TRPC5: variants seen among roughly 807,000 people sequenced by gnomAD.
The protein encoded by TRPC5 is short transient receptor potential channel 5.
In TRPC5, 9 loss-of-function variants were observed where a neutral mutation model predicts 56.5. The ratio of observed to expected loss-of-function variants is 0.16; its 90% CI spans 0.10 to 0.28. The LOEUF is 0.28. TRPC5 is among the 10% of genes least tolerant of loss of function. TRPC5 has a pLI of 1.00. For missense variants in TRPC5, 469 were observed against 748.9 expected (o/e 0.63, Z 4.36); for synonymous variants, 282 against 278.5 (o/e 1.01, Z -0.13).
chrX:111,803,153 A>G (rs1921376051), intron 7 of TRPC5, among the ~76,000 whole-genome samples: 2 of 111,659 alleles, frequency 1.8e-5, no homozygotes, highest in African/African-American at 6.5e-5. Flanking sequence ...GCTGAGAATG[A>G]TGGTTTCCAG....
intron 7 of TRPC5, among the ~76,000 whole-genome samples, chrX:111,795,235 C>T (rs1921042602): frequency 1.8e-5 from 2 of 110,295 alleles, no homozygotes; most frequent in African/African-American, 3.3e-5. Flanking sequence ...GACAAAAAAC[C>T]TTCAATCTTT....
At chrX:111,954,964 C>T (rs926649329) in intron 1 of TRPC5, among the ~76,000 whole-genome samples, 1 of 111,982 alleles carries the variant, frequency 8.9e-6, no homozygotes, top group Non-Finnish European at 1.9e-5. Context: ...TGGAGTGGCA[C>T]TATTACTACC....
chrX:111,947,074 C>A (rs937857715), intron 2 of TRPC5, among the ~76,000 whole-genome samples: 26 of 111,685 alleles, frequency 2.3e-4, no homozygotes, highest in Non-Finnish European at 4.0e-4. Flanking sequence ...CATATTCACA[C>A]CTCTCTGCTT....
intron 1 of TRPC5, among the ~76,000 whole-genome samples, chrX:111,990,010 A>T (rs962162168): frequency 8.9e-6 from 1 of 112,534 alleles, no homozygotes; most frequent in African/African-American, 3.2e-5. Context: ...GTAGTGTTCT[A>T]TTCCGAATTA....
chrX:111,842,612 A>C (rs759453284), intron 6 of TRPC5, among the ~76,000 whole-genome samples: 2 of 112,453 alleles, frequency 1.8e-5, no homozygotes, highest in Non-Finnish European at 3.7e-5. Flanking sequence ...CATGCTTCTT[A>C]GATCTTCAGA....
intron 1 of TRPC5, among the ~76,000 whole-genome samples, chrX:111,967,656 A>C (rs890561447): frequency 1.8e-5 from 2 of 111,649 alleles, no homozygotes; most frequent in African/African-American, 6.5e-5. Context: ...CAGAGCCCTC[A>C]GAAATAATGC....
At chrX:111,921,439 G>A (rs1255663262) in intron 2 of TRPC5, among the ~76,000 whole-genome samples, 2 of 106,413 alleles carry the variant, frequency 1.9e-5, no homozygotes, top group East Asian at 2.8e-4. Flanking sequence ...TGAAGATTAC[G>A]ATTTAACATT....
intron 1 of TRPC5, among the ~76,000 whole-genome samples, chrX:112,026,495 TA>T (rs1317326443): frequency 1.8e-5 from 2 of 111,969 alleles, no homozygotes; most frequent in Non-Finnish European, 3.8e-5. Flanking sequence ...AAGTAAAAGT[TA>T]AATAAAACAA....
At chrX:111,930,712 G>A (rs1926386820) in intron 2 of TRPC5, 1 of 112,012 alleles carries the variant, frequency 8.9e-6, no homozygotes, top group Non-Finnish European at 1.9e-5. Flanking sequence ...AGTGGCAGTG[G>A]TAGCTGCAAT....
At chrX:111,877,807 G>T (rs371758305) in intron 3 of TRPC5, among the ~76,000 whole-genome samples, 2 of 111,424 alleles carry the variant, frequency 1.8e-5, no homozygotes, top group Admixed American at 9.6e-5. Context: ...ACCTATGTAG[G>T]TTGGCTGTAA....
intron 1 of TRPC5, among the ~76,000 whole-genome samples, chrX:112,048,114 C>A (rs1930104878): frequency 9.0e-6 from 1 of 111,646 alleles, no homozygotes; most frequent in African/African-American, 3.3e-5. Flanking sequence ...AAATGCTCAG[C>A]AATAGGTGTT....
At chrX:111,888,715 AAAAAGAAAGAAAAGAAAAG>A (rs1391166390) in intron 3 of TRPC5, among the ~76,000 whole-genome samples, 6 of 104,612 alleles carry the variant, frequency 5.7e-5, no homozygotes, top group African/African-American at 2.1e-4. Context: ...AAAAAAAAAA[AAAAAGAAAGAAAAGAAAAG>A]AAAAGAGACT....
At chrX:111,788,988 C>T (rs1314273122) in intron 7 of TRPC5, among the ~76,000 whole-genome samples, 1 of 111,723 alleles carries the variant, frequency 9.0e-6, no homozygotes, top group African/African-American at 3.3e-5. Flanking sequence ...GGCCATACTG[C>T]CCAAAGTAAT....
At chrX:111,937,078 A>G (rs1052185171) in intron 2 of TRPC5, among the ~76,000 whole-genome samples, 1 of 105,291 alleles carries the variant, frequency 9.5e-6, no homozygotes, top group Non-Finnish European at 2.0e-5. Context: ...TTTGATTTGC[A>G]TTTCTCTGAT....
At position 111,847,299 on chromosome X, in the gene TRPC5, A is replaced by C. The variant is rs1305261975; in HGVS notation, c.1515T>G (p.Pro505=). The C allele has an allele frequency of 7.4e-6, 9 of 1,211,539 alleles. No individual in the cohort carries two copies. Among genetic ancestry groups the C allele is most frequent in the Middle Eastern group, 2.3e-4 (1 of 4,355 alleles). The change falls in exon 6 of 11, where the codon CCT becomes CCG. Residue 505 remains proline, a synonymous_variant. Coordinates refer to ENST00000262839, the MANE Select transcript of TRPC5 (RefSeq NM_012471.3). ...GCATGCGTCCCAAAGAGATCTGCAG[A>C]GGTCCTAAGTGGGAGTTGGCTGTGA... is the stretch of plus-strand genomic sequence containing the variant. ...SLFTANSHLG[P]LQISLGRMLL...
intron 9 of TRPC5, among the ~76,000 whole-genome samples, chrX:111,779,323 T>C (rs768487673): frequency 8.0e-5 from 9 of 112,092 alleles, no homozygotes; most frequent in Non-Finnish European, 9.4e-5. Context: ...TAAACATGTA[T>C]TTCCAGTGGA....
chrX:111,860,384 A>C (rs1923373123), intron 3 of TRPC5, among the ~76,000 whole-genome samples: 1 of 112,485 alleles, frequency 8.9e-6, no homozygotes, highest in South Asian at 3.6e-4. Flanking sequence ...GTAAAAGGTA[A>C]AAATTGGTTT....
chrX:111,781,148 CTG>C lies in TRPC5; in HGVS notation c.2142+15_2142+16del. 1.7e-6 allele frequency: 2 copies of C among 1,206,639 alleles called. No individual in the cohort carries two copies. Among genetic ancestry groups the C allele is most frequent in the African/African-American group, 3.5e-5 (2 of 57,734 alleles). On this transcript the variant is annotated intron_variant, in intron 9 of 10. Coordinates refer to ENST00000262839, the MANE Select transcript of TRPC5 (RefSeq NM_012471.3). The stretch of plus-strand genomic sequence containing the variant: ...AGCCAACAACTATTGTGCTTCATCC[CTG>C]TGAGGAAGCTTTACCTGATAATGTT...
intron 9 of TRPC5, among the ~76,000 whole-genome samples, chrX:111,779,897 C>T (rs900472394): frequency 1.8e-5 from 2 of 111,468 alleles, no homozygotes; most frequent in African/African-American, 6.5e-5. Context: ...ATGCAGGAAT[C>T]ATTTTTTTTT....
Sources: gnomAD v4.1 joint callset for allele counts (sites outside exome capture counted in the v4.1 genomes callset) on GRCh38, gnomAD v4.1.1 for gene constraint, MANE v1.5 for transcripts, NCBI Gene and HGNC (gene_info 2026-07-23, HGNC 2026-07-21) for gene names.